Variants in DENND1A observed in about 807,000 individuals in gnomAD.
The protein encoded by DENND1A is DENN domain-containing protein 1A.
A neutral mutation model predicts 113.7 loss-of-function variants in DENND1A; 51 were observed. The ratio of observed to expected loss-of-function variants is 0.45; its 90% CI spans 0.36 to 0.57. The LOEUF (loss-of-function observed/expected upper bound fraction) is 0.57, where lower values mean the gene tolerates loss of function less well. Ranked by LOEUF, DENND1A falls within the 20% of genes least tolerant of loss-of-function variation. DENND1A has a pLI of 0.00. For synonymous variants in DENND1A, 565 were observed against 570.8 expected (o/e 0.99, Z 0.14); for missense variants, 1,258 against 1,395.9 (o/e 0.90, Z 1.57).
chr9:123,657,794 T>C (rs981399368), intron 8 of DENND1A, among the ~76,000 whole-genome samples: 4 of 151,782 alleles, frequency 2.6e-5, no homozygotes, highest in Non-Finnish European at 5.9e-5. Context: ...TAACCTTAGT[T>C]GGGAGGGATT....
At chr9:123,471,734 T>C (rs889016135) in intron 13 of DENND1A, among the ~76,000 whole-genome samples, 4 of 152,146 alleles carry the variant, frequency 2.6e-5, no homozygotes, top group African/African-American at 7.2e-5. Flanking sequence ...TGAAGAACCA[T>C]AGTCGCACTT....
At chr9:123,663,677 G>T (rs1589573078) in intron 8 of DENND1A, among the ~76,000 whole-genome samples, 1 of 151,492 alleles carries the variant, frequency 6.6e-6, no homozygotes, top group Admixed American at 6.6e-5. Context: ...GTGGTAATGG[G>T]GGCCTTTCAT....
intron 18 of DENND1A, among the ~76,000 whole-genome samples, chr9:123,450,243 A>C (rs1181138524): frequency 6.6e-6 from 1 of 151,926 alleles, no homozygotes; most frequent in Non-Finnish European, 1.5e-5. Context: ...GCTCAGCCCC[A>C]CCCCCTATGC....
rs923520318 is a variant in DENND1A, at chr9:123,878,955, A to G, written c.84T>C (p.Leu28=). The change falls in exon 2 of 24, where the codon CTT becomes CTC. Residue 28 remains leucine (L), a synonymous_variant. Transcript: ENST00000394215. The stretch of plus-strand genomic sequence containing the variant: ...ATAATCAAACATGCAAAGTACCTGA[A>G]AGAGTGCCACCTGTCCTGGGATAGG... The part of the protein sequence containing the change: ...EVAYPRTGGT[L]SDPEVQRQFP... The G allele has an allele frequency of 1.9e-6, 3 of 1,613,976 alleles. No homozygotes were observed. The Admixed American group carries it at 5.0e-5, about 27-fold the overall frequency.
At chr9:123,842,329 C>T (rs1841949144) in intron 2 of DENND1A, among the ~76,000 whole-genome samples, 1 of 152,146 alleles carries the variant, frequency 6.6e-6, no homozygotes, top group Non-Finnish European at 1.5e-5. Flanking sequence ...AATTACTTTG[C>T]AGTGGCTGCA....
chr9:123,555,944 G>T (rs756263294), intron 13 of DENND1A, among the ~76,000 whole-genome samples: 1 of 152,194 alleles, frequency 6.6e-6, no homozygotes, highest in Non-Finnish European at 1.5e-5. Flanking sequence ...CCAAGCAAAG[G>T]ATTGGGCCAG....
chr9:123,432,963 GC>G (rs1390153168), intron 19 of DENND1A, among the ~76,000 whole-genome samples: 2 of 152,178 alleles, frequency 1.3e-5, no homozygotes, highest in African/African-American at 4.8e-5. Flanking sequence ...GCATAGGGCC[GC>G]CCCTGAGGGA....
intron 7 of DENND1A, among the ~76,000 whole-genome samples, chr9:123,670,676 C>T (rs2063721801): frequency 6.6e-6 from 1 of 152,178 alleles, no homozygotes; most frequent in Non-Finnish European, 1.5e-5. Flanking sequence ...CTGCTCTGTC[C>T]TCAAGGGACA....
intron 10 of DENND1A, among the ~76,000 whole-genome samples, chr9:123,625,604 C>A (rs1022297746): frequency 6.6e-6 from 1 of 152,110 alleles, no homozygotes; most frequent in Non-Finnish European, 1.5e-5. Context: ...ATTAGCCAGG[C>A]ATGGTGGTAT....
intron 19 of DENND1A, among the ~76,000 whole-genome samples, chr9:123,418,108 G>A (rs1359788295): frequency 2.0e-5 from 3 of 152,172 alleles, no homozygotes. Flanking sequence ...GAACCTTGAC[G>A]TCCTTGGTAT....
intron 5 of DENND1A, among the ~76,000 whole-genome samples, chr9:123,718,921 C>A (rs2067152032): frequency 6.6e-6 from 1 of 152,134 alleles, no homozygotes; most frequent in South Asian, 2.1e-4. Context: ...TGGGATGGAC[C>A]CGGTGGGAGA....
At chr9:123,632,070 G>A (rs1382979368) in intron 9 of DENND1A, among the ~76,000 whole-genome samples, 4 of 152,144 alleles carry the variant, frequency 2.6e-5, no homozygotes, top group African/African-American at 7.2e-5. Context: ...AAAGAGTGAC[G>A]TGCCAAGGCC....
At chr9:123,581,707 C>T (rs543919454) in intron 12 of DENND1A, among the ~76,000 whole-genome samples, 1 of 152,278 alleles carries the variant, frequency 6.6e-6, no homozygotes, top group African/African-American at 2.4e-5. Flanking sequence ...CACAGGGTGC[C>T]ACTGGGCCTT....
intron 13 of DENND1A, among the ~76,000 whole-genome samples, chr9:123,465,308 ATTTTTTTTTTTT>A (rs60428558): frequency 6.2e-5 from 5 of 80,118 alleles, no homozygotes; most frequent in Non-Finnish European, 1.3e-4. Context: ...TTTGTCTTTG[ATTTTTTTTTTTT>A]TTTTTTTTTT....
At chr9:123,690,558 C>T (rs1410461590) in intron 5 of DENND1A, among the ~76,000 whole-genome samples, 1 of 152,146 alleles carries the variant, frequency 6.6e-6, no homozygotes, top group Non-Finnish European at 1.5e-5. Context: ...AAAGCAGGCT[C>T]TATAATATAT....
intron 13 of DENND1A, among the ~76,000 whole-genome samples, chr9:123,530,132 A>G (rs117223965): frequency 6.6e-6 from 1 of 152,342 alleles, no homozygotes; most frequent in East Asian, 1.9e-4. Context: ...CAGAATAAAA[A>G]AACAAAAAAC....
rs751096442 is a variant in DENND1A, at chr9:123,792,569, T to A, written c.132+18A>T. 3.1e-6 allele frequency: 5 copies of A among 1,611,242 alleles called. No homozygotes were observed. Among genetic ancestry groups the A allele is most frequent in the Non-Finnish European group, 4.2e-6 (5 of 1,178,618 alleles). On this transcript the variant is annotated intron_variant, in intron 3 of 23. Coordinates refer to ENST00000394215, the MANE Select transcript of DENND1A (RefSeq NM_001352964.2). ...AAATAAATTTTGTCATGTAAAAAAT[T>A]AATTACGCATTCCGAACCTGGTCAC...
intron 9 of DENND1A, among the ~76,000 whole-genome samples, chr9:123,635,156 C>A (rs956223752): frequency 5.9e-5 from 9 of 152,122 alleles, no homozygotes; most frequent in African/African-American, 2.2e-4. Flanking sequence ...AATGCCTCCG[C>A]TGAATCCTAA....
intron 2 of DENND1A, among the ~76,000 whole-genome samples, chr9:123,817,993 C>G (rs1238012509): frequency 6.6e-6 from 1 of 151,356 alleles, no homozygotes; most frequent in Non-Finnish European, 1.5e-5. Context: ...CACCACTGCA[C>G]TCCAGCCTGA....
Sources: allele counts gnomAD v4.1 joint callset (sites outside exome capture counted in the v4.1 genomes callset), GRCh38; gene constraint gnomAD v4.1.1; transcripts MANE v1.5; gene names NCBI Gene and HGNC (gene_info 2026-07-23, HGNC 2026-07-21).